Variants in DENND5B observed in about 807,000 individuals in gnomAD.
DENND5B encodes the protein DENN domain containing 5B.
In DENND5B, 34 loss-of-function variants were observed where a neutral mutation model predicts 140.6. That is an observed-to-expected ratio of 0.24 (90% confidence interval 0.18 to 0.32). DENND5B has a LOEUF of 0.32. Ranked by LOEUF, DENND5B falls within the 10% of genes least tolerant of loss-of-function variation. The pLI is 1.00. For synonymous variants in DENND5B, 551 were observed against 562.1 expected, an observed-to-expected ratio of 0.98 and a Z score of 0.28; for missense variants, 1,142 against 1,560.2, an observed-to-expected ratio of 0.73 and a Z score of 4.52.
Position 31,385,079 on chromosome 12 carries a change from C to T in DENND5B, c.*2524G>A, listed in dbSNP as rs1940792726. 1 of 152,152 alleles carries T rather than the reference C, an allele frequency of 6.6e-6. No homozygotes were observed. Among genetic ancestry groups the T allele is most frequent in the African/African-American group, 2.4e-5 (1 of 41,428 alleles). 9.4% of individuals were successfully genotyped at this position (152,152 alleles called of 1,614,324 possible). ...ACAGGCGTTAGCCACCGTACCTGGC[C>T]TGCTCCCAGTTTTTACAAGATGTTA... is the stretch of plus-strand genomic sequence containing the variant. On this transcript the variant is annotated 3_prime_UTR_variant, in exon 21 of 21. Coordinates refer to ENST00000389082, the MANE Select transcript of DENND5B (RefSeq NM_144973.4).
chr12:31,455,100 G>A (rs1039037150), intron 4 of DENND5B, among the ~76,000 whole-genome samples: 13 of 151,980 alleles, frequency 8.6e-5, no homozygotes, highest in Non-Finnish European at 1.6e-4. Flanking sequence ...GATTACAGGC[G>A]TGAGCCACCG....
chr12:31,430,680 G>T (rs544919913), intron 8 of DENND5B, among the ~76,000 whole-genome samples: 13 of 151,890 alleles, frequency 8.6e-5, no homozygotes, highest in Admixed American at 5.9e-4. Context: ...AAAAAATTAA[G>T]CACTGTTTAA....
At chr12:31,502,680 A>G (rs377303183) in intron 1 of DENND5B, among the ~76,000 whole-genome samples, 3 of 152,140 alleles carry the variant, frequency 2.0e-5, no homozygotes, top group South Asian at 2.1e-4. Context: ...CACACCCCCA[A>G]CGTTTGATGA....
rs1483029070 is a variant in DENND5B at position 31,383,732 on chromosome 12, A to G, written c.*3871T>C. On this transcript the variant is annotated 3_prime_UTR_variant, in exon 21 of 21. Coordinates refer to ENST00000389082, the MANE Select transcript of DENND5B (RefSeq NM_144973.4). The stretch of plus-strand genomic sequence containing the variant: ...ACTGACTCGCAGTCATTTTTAAGGC[A>G]TATGACTCCCGACCAGGGCACAGAT... 1 of 152,196 alleles carries G rather than the reference A, an allele frequency of 6.6e-6. No homozygotes were observed. Among genetic ancestry groups the G allele is most frequent in the Non-Finnish European group, 1.5e-5 (1 of 68,046 alleles). The allele number at this position is 152,196 out of a possible 1,614,324, so 9.4% of individuals were successfully genotyped here. A position where few individuals can be genotyped will look rare whatever the true frequency, so the allele number is the denominator to read the frequency against.
At chr12:31,589,355 A>C (rs2139547540) in intron 1 of DENND5B, among the ~76,000 whole-genome samples, 1 of 152,348 alleles carries the variant, frequency 6.6e-6, no homozygotes, top group South Asian at 2.1e-4. Flanking sequence ...AATTACACAT[A>C]CGGAAAAACT....
chr12:31,412,759 T>C (rs1942531104), intron 13 of DENND5B, among the ~76,000 whole-genome samples: 1 of 152,198 alleles, frequency 6.6e-6, no homozygotes, highest in African/African-American at 2.4e-5. Context: ...ATTATTTCTT[T>C]CTTTTTTTAC....
intron 13 of DENND5B, among the ~76,000 whole-genome samples, chr12:31,410,987 G>A (rs895525714): frequency 2.6e-5 from 4 of 151,328 alleles, no homozygotes; most frequent in Non-Finnish European, 4.4e-5. Flanking sequence ...TAGCAGGATT[G>A]TAAGTGATTA....
intron 2 of DENND5B, among the ~76,000 whole-genome samples, chr12:31,494,508 C>T (rs974158837): frequency 6.6e-6 from 1 of 152,168 alleles, no homozygotes; most frequent in African/African-American, 2.4e-5. Flanking sequence ...ACTTTCCATG[C>T]CCAAGTAGCA....
intron 3 of DENND5B, among the ~76,000 whole-genome samples, chr12:31,479,088 C>T (rs1312074477): frequency 6.6e-6 from 1 of 152,150 alleles, no homozygotes; most frequent in Non-Finnish European, 1.5e-5. Flanking sequence ...TTCTCTCACT[C>T]AGATGAAATG....
intron 3 of DENND5B, chr12:31,465,458 C>T (rs1327404615): frequency 6.6e-6 from 1 of 152,444 alleles, no homozygotes; most frequent in East Asian, 1.9e-4. Context: ...ACCTCCGCCT[C>T]CTGAGTTCAA....
At chr12:31,561,641 A>C (rs992616898) in intron 1 of DENND5B, among the ~76,000 whole-genome samples, 5 of 152,232 alleles carry the variant, frequency 3.3e-5, no homozygotes, top group African/African-American at 1.2e-4. Flanking sequence ...CTAAAACTCA[A>C]ACCTGTTTAG....
intron 15 of DENND5B, 50 bp downstream of exon 15, chr12:31,402,448 T>C (rs1378447755): frequency 6.4e-7 from 1 of 1,562,540 alleles, no homozygotes; most frequent in Non-Finnish European, 8.7e-7. Context: ...GAATCATCTG[T>C]AAAACTACAC....
At chr12:31,589,693 G>A (rs1182172429) in intron 1 of DENND5B, among the ~76,000 whole-genome samples, 1 of 151,280 alleles carries the variant, frequency 6.6e-6, no homozygotes, top group Non-Finnish European at 1.5e-5. Context: ...TATGACCTAA[G>A]TCTTTAACAC....
intron 1 of DENND5B, among the ~76,000 whole-genome samples, chr12:31,543,819 C>T (rs963874797): frequency 2.0e-5 from 3 of 152,192 alleles, no homozygotes; most frequent in Non-Finnish European, 4.4e-5. Flanking sequence ...AAGTATATCA[C>T]ATCTCTATCT....
intron 14 of DENND5B, 142 bp from the exon 15 acceptor site, chr12:31,402,785 G>C: frequency 3.0e-6 from 3 of 1,012,978 alleles, no homozygotes; most frequent in Non-Finnish European, 4.1e-6. Flanking sequence ...GAAAAGTTGA[G>C]ATCATAACCT....
intron 7 of DENND5B, among the ~76,000 whole-genome samples, chr12:31,438,998 C>T (rs1223538365): frequency 6.6e-6 from 1 of 152,166 alleles, no homozygotes; most frequent in African/African-American, 2.4e-5. Flanking sequence ...AAATGGCCTA[C>T]TTAATTTTAT....
At chr12:31,392,815 C>G in intron 17 of DENND5B, 119 bp from the exon 18 acceptor site, 1 of 976,646 alleles carries the variant, frequency 1.0e-6, no homozygotes, top group Non-Finnish European at 1.5e-6. Flanking sequence ...CTGGCTTTGC[C>G]AGGGGCTCCA....
chr12:31,512,416 G>C (rs1257843158), intron 1 of DENND5B, among the ~76,000 whole-genome samples: 1 of 148,020 alleles, frequency 6.8e-6, no homozygotes, highest in South Asian at 2.1e-4. Flanking sequence ...ATTTTTAGTA[G>C]AGATAAGGTC....
intron 7 of DENND5B, among the ~76,000 whole-genome samples, chr12:31,437,140 C>G (rs963796964): frequency 1.1e-5 from 1 of 88,128 alleles, no homozygotes; most frequent in Non-Finnish European, 2.7e-5. Flanking sequence ...TAGCACCTGC[C>G]CCCCCCTTTT....
Sources: gnomAD v4.1 joint callset for allele counts (sites outside exome capture counted in the v4.1 genomes callset) on GRCh38, gnomAD v4.1.1 for gene constraint, MANE v1.5 for transcripts, NCBI Gene and HGNC (gene_info 2026-07-23, HGNC 2026-07-21) for gene names.